The following PLXNA4 variants were observed in gnomAD, a reference collection of about 807,000 sequenced individuals.
PLXNA4 encodes the protein plexin A4, also known as plexin-A4.
Under a neutral mutation model 191.8 loss-of-function variants are expected in PLXNA4, and 44 were observed. The observed-to-expected ratio is 0.23, with a 90% CI of 0.18 to 0.29. The LOEUF (loss-of-function observed/expected upper bound fraction) is 0.29, where lower values mean the gene tolerates loss of function less well. Ranked by LOEUF, PLXNA4 falls within the 10% of genes least tolerant of loss-of-function variation. PLXNA4 has a pLI of 1.00. For synonymous variants in PLXNA4, 1,082 were observed against 1,009.5 expected, an observed-to-expected ratio of 1.07 and a Z score of -1.36; for missense variants, 1,800 against 2,488.8, an observed-to-expected ratio of 0.72 and a Z score of 5.89.
At chr7:132,389,959 A>C (rs895266199) in intron 3 of PLXNA4, among the ~76,000 whole-genome samples, 2 of 152,198 alleles carry the variant, frequency 1.3e-5, no homozygotes, top group African/African-American at 4.8e-5. Context: ...ATGCTTTTAC[A>C]CTGTTGGTGG....
chr7:132,146,440 T>G, intron 28 of PLXNA4, 70 bp downstream of exon 28: 1 of 1,613,580 alleles, frequency 6.2e-7, no homozygotes, highest in Non-Finnish European at 8.5e-7. Flanking sequence ...TACTCTGGCA[T>G]TTCTGTGGGC....
intron 2 of PLXNA4, among the ~76,000 whole-genome samples, chr7:132,582,569 G>C (rs1802423043): frequency 6.6e-6 from 1 of 152,146 alleles, no homozygotes; most frequent in Non-Finnish European, 1.5e-5. Context: ...GCCATGTGTT[G>C]AGAAACTGAG....
chr7:132,440,445 C>G (rs141699846), intron 3 of PLXNA4, among the ~76,000 whole-genome samples: 1 of 152,182 alleles, frequency 6.6e-6, no homozygotes, highest in Non-Finnish European at 1.5e-5. Context: ...CTTTAAAGAG[C>G]CTGACAGGTA....
rs770744573 is a variant in PLXNA4 at position 132,203,462 on chromosome 7, CAG to C, written c.2299-45_2299-44del. 2.3e-4 allele frequency: 358 copies of C among 1,567,208 alleles called. 2 individuals carry two copies. Among genetic ancestry groups the C allele is most frequent in the Non-Finnish European group, 3.0e-4 (345 of 1,137,680 alleles). On this transcript the variant is annotated intron_variant, in intron 10 of 31. Transcript: ENST00000321063. Reference sequence around the variant, plus strand: ...AGGAGGAAAGAAGAAAGTGGGGTCACAGAGAGTTCTAGAGAGGGCCCAAATGA... The same window carrying C: ...AGGAGGAAAGAAGAAAGTGGGGTCACAGAGTTCTAGAGAGGGCCCAAATGA...
chr7:132,434,295 T>C (rs1432039139), intron 3 of PLXNA4, among the ~76,000 whole-genome samples: 3 of 152,158 alleles, frequency 2.0e-5, no homozygotes, highest in South Asian at 2.1e-4. Flanking sequence ...CTGGCCACCG[T>C]AGTGTACCCA....
chr7:132,204,862 C>T (rs553280466), intron 10 of PLXNA4, among the ~76,000 whole-genome samples: 6 of 152,330 alleles, frequency 3.9e-5, no homozygotes, highest in African/African-American at 9.6e-5. Flanking sequence ...CAGACTGTGA[C>T]TTGACATTGC....
chr7:132,638,767 A>G (rs571332841), intron 2 of PLXNA4, among the ~76,000 whole-genome samples: 3 of 152,110 alleles, frequency 2.0e-5, no homozygotes, highest in Non-Finnish European at 4.4e-5. Context: ...AAAAATATAT[A>G]TATATATTAA....
At chr7:132,621,093 C>CTAGGGCTTCAACATATGAATTT (rs1803252007) in intron 2 of PLXNA4, among the ~76,000 whole-genome samples, 1 of 152,148 alleles carries the variant, frequency 6.6e-6, no homozygotes, top group African/African-American at 2.4e-5. Context: ...TACCATCACA[C>CTAGGGCTTCAACATATGAATTT]TAGGGCTTCA....
chr7:132,384,745 TACACACACACACACACACACAC>T (rs10535106), intron 3 of PLXNA4: 29 of 995,236 alleles, frequency 2.9e-5, no homozygotes, highest in African/African-American at 1.5e-4. Flanking sequence ...CAGATAAGCA[TACACACACACACACACACACAC>T]ACACACACAC....
At chr7:132,537,592 G>A (rs771443952) in intron 1 of PLXNA4, among the ~76,000 whole-genome samples, 6 of 152,172 alleles carry the variant, frequency 3.9e-5, no homozygotes, top group Non-Finnish European at 5.9e-5. Flanking sequence ...AGGGTGTCTC[G>A]GGACTGAGGC....
chr7:132,166,842 A>G (rs1796138155), intron 22 of PLXNA4, among the ~76,000 whole-genome samples: 1 of 152,112 alleles, frequency 6.6e-6, no homozygotes. Flanking sequence ...ACAAAAATCA[A>G]AATGATCTAC....
intron 1 of PLXNA4, among the ~76,000 whole-genome samples, chr7:132,571,240 C>G (rs1210104340): frequency 6.6e-6 from 1 of 152,214 alleles, no homozygotes; most frequent in African/African-American, 2.4e-5. Context: ...GATTCACACC[C>G]ACACCTTTTT....
chr7:132,590,362 T>C (rs761680019), intron 2 of PLXNA4, among the ~76,000 whole-genome samples: 4 of 152,172 alleles, frequency 2.6e-5, no homozygotes, highest in African/African-American at 4.8e-5. Flanking sequence ...ATTGGATAGA[T>C]GTATATATAA....
rs116697731 is a variant in PLXNA4 at position 132,573,499 on chromosome 7, G to A, written c.-87+2923C>T. Among the ~76,000 whole-genome samples the A allele has an allele frequency of 8.6e-3, 1,314 of 152,230 alleles. 19 individuals are homozygous for A. Among genetic ancestry groups the A allele is most frequent in the African/African-American group, 0.03 (1,260 of 41,532 alleles). On this transcript the variant is annotated intron_variant, in intron 1 of 31. Transcript: ENST00000321063. ...AGCCCCTTTAGCTCTCTCCCACTTC[G>A]GGACTGCTGCCATCCTAGAAAGCCC...
intron 30 of PLXNA4, among the ~76,000 whole-genome samples, chr7:132,139,278 G>A (rs1013279430): frequency 2.6e-5 from 4 of 152,190 alleles, no homozygotes; most frequent in African/African-American, 7.2e-5. Context: ...CACTGAGGTG[G>A]CCAGGACTCT....
At chr7:132,579,731 C>A (rs1208847158), upstream of PLXNA4, among the ~76,000 whole-genome samples, 1 of 152,074 alleles carries the variant, frequency 6.6e-6, no homozygotes, top group African/African-American at 2.4e-5. Flanking sequence ...CGAGCTCTCC[C>A]GTTGTTAATG....
chr7:132,210,838 T>C, intron 10 of PLXNA4, 105 bp downstream of exon 10: 1 of 1,287,998 alleles, frequency 7.8e-7, no homozygotes, highest in Non-Finnish European at 1.1e-6. Context: ...TTGTGCGTGT[T>C]GAGGAAACGA....
chr7:132,641,183 G>T (rs1221956748), intron 2 of PLXNA4, among the ~76,000 whole-genome samples: 1 of 152,154 alleles, frequency 6.6e-6, no homozygotes, highest in Non-Finnish European at 1.5e-5. Context: ...TCTCCTTGTG[G>T]ACTCTTTCTT....
At chr7:132,268,165 C>A (rs1799926352) in intron 4 of PLXNA4, among the ~76,000 whole-genome samples, 1 of 152,200 alleles carries the variant, frequency 6.6e-6, no homozygotes, top group African/African-American at 2.4e-5. Context: ...TAGTGCCACT[C>A]CATGGTTTGC....
Sources: gnomAD v4.1 joint callset for allele counts (sites outside exome capture counted in the v4.1 genomes callset) on GRCh38, gnomAD v4.1.1 for gene constraint, MANE v1.5 for transcripts, NCBI Gene and HGNC (gene_info 2026-07-23, HGNC 2026-07-21) for gene names.